Variants in ABI3BP observed in about 807,000 individuals in gnomAD.
ABI3BP encodes ABI family member 3 binding protein.
ABI3BP carries 216 observed loss-of-function variants against 268.6 expected under a neutral mutation model. The observed-to-expected ratio is 0.80, with a 90% CI of 0.72 to 0.90. ABI3BP has a LOEUF of 0.90. ABI3BP is among the 40% of genes least tolerant of loss of function. The pLI is 0.00. For missense variants in ABI3BP, 2,090 were observed against 2,182.4 expected (o/e 0.96, Z 0.84); for synonymous variants, 730 against 730.0 (o/e 1.00, Z 0.00).
chr3:100,780,262 G>A lies in ABI3BP; in HGVS notation c.4163-53C>T, dbSNP rs917556791. 4 of 1,564,266 alleles carry A rather than the reference G, an allele frequency of 2.6e-6. No individual in the cohort carries two copies. In the Admixed American group the frequency reaches 6.9e-5, roughly 27 times the overall value. Reference sequence around the variant, plus strand: ...AAACATATAGCAAAAATGTTCCATGGAAACTTGGTAGAGTTGCCAGTAATA... The same window carrying A: ...AAACATATAGCAAAAATGTTCCATGAAAACTTGGTAGAGTTGCCAGTAATA... On this transcript the variant is annotated intron_variant, in intron 57 of 67. Transcript: ENST00000471714.
At chr3:100,917,018 C>A (rs1046992705) in intron 2 of ABI3BP, among the ~76,000 whole-genome samples, 1 of 152,168 alleles carries the variant, frequency 6.6e-6, no homozygotes, top group South Asian at 2.1e-4. Context: ...TATATAGTTA[C>A]TTTACTAATA....
At chr3:100,766,028 A>C in intron 62 of ABI3BP, 79 bp from the exon 63 acceptor site, 1 of 1,046,718 alleles carries the variant, frequency 9.6e-7, no homozygotes, top group Non-Finnish European at 1.4e-6. Flanking sequence ...AATAGCATAA[A>C]AAAGCCACTT....
At chr3:100,831,421 T>G (rs2098491526) in intron 31 of ABI3BP, among the ~76,000 whole-genome samples, 1 of 152,134 alleles carries the variant, frequency 6.6e-6, no homozygotes, top group Admixed American at 6.5e-5. Flanking sequence ...CTACACTCAT[T>G]AAGAGACTAA....
chr3:100,752,278 C>G (rs978387539), intron 66 of ABI3BP, among the ~76,000 whole-genome samples: 3 of 152,118 alleles, frequency 2.0e-5, no homozygotes, highest in African/African-American at 7.2e-5. Flanking sequence ...GCTTTGTGTT[C>G]AGCACTTAGA....
At chr3:100,848,690 G>A in intron 18 of ABI3BP, 111 bp downstream of exon 18, 1 of 1,039,266 alleles carries the variant, frequency 9.6e-7, no homozygotes, top group Non-Finnish European at 1.5e-6. Context: ...GCCTCCCAAA[G>A]TGCTGGAGTT....
intron 1 of ABI3BP, among the ~76,000 whole-genome samples, chr3:100,953,296 T>A (rs528479763): frequency 1.3e-5 from 2 of 152,314 alleles, no homozygotes; most frequent in African/African-American, 4.8e-5. Flanking sequence ...CATTATCTCT[T>A]TCGTCTGCCC....
rs542089711 is a variant in ABI3BP, at chr3:100,896,351, G to A, written c.461+2411C>T. On this transcript the variant is annotated intron_variant, in intron 4 of 67. Coordinates refer to ENST00000471714, the MANE Select transcript of ABI3BP (RefSeq NM_001375547.2). ...AACTTTCTCTATATTCATTATCTCC[G>A]GGTGCTGTCAAACCATGGCAACATC... is the stretch of plus-strand genomic sequence containing the variant. 2.8e-4 allele frequency among the ~76,000 whole-genome samples: 43 copies of A among 152,116 alleles called. No homozygotes were observed. The South Asian group carries it at 7.3e-3, about 26-fold the overall frequency.
chr3:100,928,785 C>A (rs1005868113), intron 1 of ABI3BP, among the ~76,000 whole-genome samples: 1 of 151,994 alleles, frequency 6.6e-6, no homozygotes, highest in African/African-American at 2.4e-5. Flanking sequence ...AAAACTAGAT[C>A]TTGGGCTCTC....
chr3:100,854,266 C>T (rs527643996), intron 14 of ABI3BP, among the ~76,000 whole-genome samples: 5 of 151,526 alleles, frequency 3.3e-5, no homozygotes, highest in South Asian at 2.1e-4. Flanking sequence ...TCGGGAGGCA[C>T]GAGAATCTCT....
chr3:100,991,196 A>C (rs1414041719), intron 1 of ABI3BP, among the ~76,000 whole-genome samples: 1 of 152,200 alleles, frequency 6.6e-6, no homozygotes. Flanking sequence ...AGTGATCATG[A>C]ATATCTTTTC....
In ABI3BP at chr3:100,787,780, T is replaced by A; in HGVS notation, c.4110A>T (p.Arg1370Ser). 1 of 1,531,692 alleles carries A rather than the reference T, an allele frequency of 6.5e-7. No individual in the cohort carries two copies. The highest frequency in any genetic ancestry group is 8.7e-7 in the Non-Finnish European group (1 of 1,144,666). The allele number at this position is 1,531,692 out of a possible 1,614,324, so 94.9% of individuals were successfully genotyped here. The change falls in exon 57 of 68, where the codon AGA becomes AGT. Residue 1370 changes from arginine to serine, a missense_variant. Arg to Ser is a moderately radical substitution (Grantham distance 110). Coordinates refer to ENST00000471714, the MANE Select transcript of ABI3BP (RefSeq NM_001375547.2). ...IRPVLNRTTT[R>S]PTRPKPSGMP... ...TCCCACTGGGTTTGGGCCTAGTAGG[T>A]CTTGTAGTTGTCCTATTCAGAACTA... is the stretch of plus-strand genomic sequence containing the variant.
chr3:100,780,467 T>C (rs1255868336), intron 57 of ABI3BP, among the ~76,000 whole-genome samples: 1 of 152,202 alleles, frequency 6.6e-6, no homozygotes, highest in African/African-American at 2.4e-5. Context: ...ATGAAACTCA[T>C]CCTGCACTGC....
intron 1 of ABI3BP, among the ~76,000 whole-genome samples, chr3:100,932,628 C>A (rs983290649): frequency 6.6e-6 from 1 of 152,076 alleles, no homozygotes; most frequent in South Asian, 2.1e-4. Context: ...TACAGAAATG[C>A]ACATCAAAAC....
chr3:100,965,685 ATTGTAACAGATGTGTGTGTGTGTTAGTG>A, intron 1 of ABI3BP, among the ~76,000 whole-genome samples: 1 of 151,784 alleles, frequency 6.6e-6, no homozygotes, highest in East Asian at 1.9e-4. Context: ...GGCCTTGGGG[ATTGTAACAGATGTGTGTGTGTGTTAGTG>A]TGTTAGTGTG....
intron 4 of ABI3BP, among the ~76,000 whole-genome samples, chr3:100,894,701 AGGCCAAGGAG>A (rs2046367091): frequency 6.6e-6 from 1 of 152,076 alleles, no homozygotes; most frequent in Non-Finnish European, 1.5e-5. Context: ...GCACTTTGGG[AGGCCAAGGAG>A]GGCAGATCAC....
intron 1 of ABI3BP, among the ~76,000 whole-genome samples, chr3:100,976,309 C>G (rs1034742628): frequency 4.6e-5 from 7 of 152,064 alleles, no homozygotes; most frequent in Non-Finnish European, 1.0e-4. Flanking sequence ...CTACATAAAG[C>G]TTTTTCTTTT....
chr3:100,972,067 T>C (rs910644275), intron 1 of ABI3BP, among the ~76,000 whole-genome samples: 3 of 152,114 alleles, frequency 2.0e-5, no homozygotes, highest in Non-Finnish European at 4.4e-5. Context: ...CGAACACATA[T>C]CTGCCACCTG....
chr3:100,823,556 A>G (rs1346754206), intron 36 of ABI3BP, 42 bp from the exon 37 acceptor site: 1 of 1,470,622 alleles, frequency 6.8e-7, no homozygotes, highest in Non-Finnish European at 9.1e-7. Flanking sequence ...TTTTAAACAT[A>G]TGAGAAGTTA....
At chr3:100,937,206 A>G (rs2066542763) in intron 1 of ABI3BP, among the ~76,000 whole-genome samples, 2 of 152,100 alleles carry the variant, frequency 1.3e-5, no homozygotes, top group Admixed American at 1.3e-4. Flanking sequence ...CCCAAGTGTT[A>G]GGAAAAATGT....
Sources: gnomAD v4.1 joint callset for allele counts (sites outside exome capture counted in the v4.1 genomes callset) on GRCh38, gnomAD v4.1.1 for gene constraint, MANE v1.5 for transcripts, NCBI Gene and HGNC (gene_info 2026-07-23, HGNC 2026-07-21) for gene names.